The following FNBP1L variants were observed in gnomAD, a reference collection of about 807,000 sequenced individuals.
FNBP1L encodes the protein formin-binding protein 1-like.
A neutral mutation model predicts 91.2 loss-of-function variants in FNBP1L; 36 were observed. That is an observed-to-expected ratio of 0.39 (90% CI 0.30 to 0.52). FNBP1L has a LOEUF of 0.52. FNBP1L is among the 20% of genes least tolerant of loss of function. FNBP1L has a pLI of 0.66. For missense variants in FNBP1L, 571 were observed against 732.1 expected, an observed-to-expected ratio of 0.78 and a Z score of 2.54; for synonymous variants, 242 against 237.0, an observed-to-expected ratio of 1.02 and a Z score of -0.19.
At chr1:93,526,035 G>T (rs1274237943) in intron 5 of FNBP1L, among the ~76,000 whole-genome samples, 1 of 152,088 alleles carries the variant, frequency 6.6e-6, no homozygotes, top group Non-Finnish European at 1.5e-5. Context: ...AGAACTGGTG[G>T]ACAGGTTGAA....
intron 16 of FNBP1L, chr1:93,551,950 A>C: frequency 1.0e-6 from 1 of 987,094 alleles, no homozygotes; most frequent in Non-Finnish European, 1.2e-6. Flanking sequence ...AGTTACATAG[A>C]AAAATACACA....
chr1:93,479,571 A>T (rs1162615096), intron 1 of FNBP1L, among the ~76,000 whole-genome samples: 1 of 151,860 alleles, frequency 6.6e-6, no homozygotes, highest in Admixed American at 6.6e-5. Flanking sequence ...TAAGACAGGC[A>T]CTCCCAGAGC....
chr1:93,506,038 A>T (rs1448095821), intron 2 of FNBP1L, among the ~76,000 whole-genome samples: 1 of 152,326 alleles, frequency 6.6e-6, no homozygotes, highest in African/African-American at 2.4e-5. Flanking sequence ...AAGAGAGAAG[A>T]TTCGTGGCCG....
intron 1 of FNBP1L, chr1:93,488,441 GGGTCTGTGGACCTTGA>G (rs1019394379): frequency 1.3e-5 from 2 of 152,180 alleles, no homozygotes; most frequent in African/African-American, 2.4e-5. Context: ...CAGGGTTGGT[GGGTCTGTGGACCTTGA>G]GCTAGTTTTT....
rs137885462 is a variant in FNBP1L, at chr1:93,460,842, A to G, written c.24+12537A>G. ...TTCAGTTATGCAGGAAGAATAAGTTAAAGAGATCTATTGTACATCATGCTG... is the reference window on the plus strand; with the variant it reads ...TTCAGTTATGCAGGAAGAATAAGTTGAAGAGATCTATTGTACATCATGCTG... On this transcript the variant is annotated intron_variant, in intron 1 of 16. Transcript: ENST00000271234. Among the ~76,000 whole-genome samples, 154 of 152,362 alleles carry G rather than the reference A, an allele frequency of 1.0e-3. 2 individuals carry two copies. The highest frequency in any genetic ancestry group is 5.2e-3 in the East Asian group (27 of 5,192).
At chr1:93,510,977 G>T (rs909362763) in intron 2 of FNBP1L, among the ~76,000 whole-genome samples, 2 of 152,132 alleles carry the variant, frequency 1.3e-5, no homozygotes, top group Non-Finnish European at 2.9e-5. Context: ...ATCTATGTCT[G>T]ATTGGTGTAC....
chr1:93,505,257 T>C (rs1670571146), intron 2 of FNBP1L, among the ~76,000 whole-genome samples: 1 of 152,004 alleles, frequency 6.6e-6, no homozygotes. Context: ...GAAATAGCAC[T>C]TGAACATAAA....
At chr1:93,475,540 A>G (rs1425861159) in intron 1 of FNBP1L, among the ~76,000 whole-genome samples, 1 of 152,300 alleles carries the variant, frequency 6.6e-6, no homozygotes, top group East Asian at 1.9e-4. Flanking sequence ...CCCTGTCTCA[A>G]AAAAACTCCC....
At chr1:93,547,480 A>C in intron 14 of FNBP1L, 39 bp downstream of exon 14, 1 of 1,496,264 alleles carries the variant, frequency 6.7e-7, no homozygotes, top group Non-Finnish European at 9.1e-7. Flanking sequence ...TTCTCCCCAG[A>C]GTTTTCTCAC....
chr1:93,532,798 A>G (rs1405778422), intron 7 of FNBP1L, 124 bp from the exon 8 acceptor site: 1 of 621,306 alleles, frequency 1.6e-6, no homozygotes, highest in Non-Finnish European at 2.6e-6. Context: ...GTTAAAAGGT[A>G]TTAACAACAG....
chr1:93,529,624 C>A, intron 5 of FNBP1L, 28 bp from the exon 6 acceptor site: 1 of 1,278,540 alleles, frequency 7.8e-7, no homozygotes, highest in South Asian at 1.5e-5. Context: ...TTTATTTTCT[C>A]AGTGTGATAT....
intron 2 of FNBP1L, among the ~76,000 whole-genome samples, chr1:93,510,282 T>C (rs983588546): frequency 2.6e-5 from 4 of 152,164 alleles, no homozygotes; most frequent in African/African-American, 9.7e-5. Flanking sequence ...GACTGCCTCC[T>C]CAAGTGGGTC....
intron 1 of FNBP1L, among the ~76,000 whole-genome samples, chr1:93,480,146 A>C (rs1669645155): frequency 6.6e-6 from 1 of 152,152 alleles, no homozygotes. Context: ...CTGACTTCCC[A>C]CAACAATCCC....
chr1:93,516,034 A>G (rs1017288305), intron 2 of FNBP1L, among the ~76,000 whole-genome samples: 3 of 152,196 alleles, frequency 2.0e-5, no homozygotes, highest in African/African-American at 7.2e-5. Context: ...TTATTGTTAA[A>G]TCAGAAACTC....
intron 7 of FNBP1L, 92 bp from the exon 8 acceptor site, chr1:93,532,830 A>G: frequency 1.1e-6 from 1 of 944,104 alleles, no homozygotes; most frequent in Non-Finnish European, 1.5e-6. Flanking sequence ...GGGTAGAAAT[A>G]TTTAATTTTT....
At chr1:93,517,390 G>T (rs1227193340) in intron 2 of FNBP1L, among the ~76,000 whole-genome samples, 1 of 151,896 alleles carries the variant, frequency 6.6e-6, no homozygotes, top group Non-Finnish European at 1.5e-5. Flanking sequence ...CAGTGGCAAC[G>T]ATCATAGCTC....
At chr1:93,486,211 G>A (rs1669895547) in intron 1 of FNBP1L, among the ~76,000 whole-genome samples, 1 of 152,084 alleles carries the variant, frequency 6.6e-6, no homozygotes, top group African/African-American at 2.4e-5. Flanking sequence ...TACTGTTCAT[G>A]TGTAGTTATT....
At chr1:93,488,375 T>C (rs1669982674) in intron 1 of FNBP1L, 1 of 152,182 alleles carries the variant, frequency 6.6e-6, no homozygotes, top group African/African-American at 2.4e-5. Context: ...CCCATCCAAA[T>C]ACTAACCAGG....
At chr1:93,521,943 A>T in intron 2 of FNBP1L, 139 bp from the exon 3 acceptor site, 1 of 394,790 alleles carries the variant, frequency 2.5e-6, no homozygotes, top group Non-Finnish European at 4.5e-6. Context: ...TATGATGCTA[A>T]TGGAGTAGAG....
Sources: gnomAD v4.1 joint callset for allele counts (sites outside exome capture counted in the v4.1 genomes callset) on GRCh38, gnomAD v4.1.1 for gene constraint, MANE v1.5 for transcripts, NCBI Gene and HGNC (gene_info 2026-07-23, HGNC 2026-07-21) for gene names.